STARD13: variants seen among roughly 807,000 people sequenced by gnomAD.
STARD13 encodes the protein StAR related lipid transfer domain containing 13, also known as stAR-related lipid transfer protein 13.
Under a neutral mutation model 106.4 loss-of-function variants are expected in STARD13, and 62 were observed. That is an observed-to-expected ratio of 0.58 (90% CI 0.48 to 0.72). The LOEUF (loss-of-function observed/expected upper bound fraction) is 0.72. Among genes scored for constraint, STARD13 ranks in the 30% least tolerant of loss-of-function variants. The probability of loss-of-function intolerance (pLI) is 0.00; values close to 1 mark genes in which losing one functional copy is unlikely to be tolerated. For missense variants in STARD13, 1,387 were observed against 1,424.0 expected, an observed-to-expected ratio of 0.97 and a Z score of 0.42; for synonymous variants, 565 against 553.0, an observed-to-expected ratio of 1.02 and a Z score of -0.31.
At chr13:33,518,693 G>A in the STARD13 span, among the ~76,000 whole-genome samples, 1 of 152,002 alleles carries the variant, frequency 6.6e-6, no homozygotes, top group South Asian at 2.1e-4. Flanking sequence ...TAACTCACCT[G>A]TCACACTCAC....
intron 1 of STARD13, among the ~76,000 whole-genome samples, chr13:33,266,694 C>T (rs1226783723): frequency 2.0e-5 from 3 of 152,216 alleles, no homozygotes; most frequent in Non-Finnish European, 2.9e-5. Context: ...CTTTACCTTA[C>T]CACTCTGTTG....
intron 9 of STARD13, 70 bp downstream of exon 9, chr13:33,112,651 C>G (rs1874767204): frequency 1.6e-6 from 2 of 1,217,374 alleles, no homozygotes; most frequent in Non-Finnish European, 2.3e-6. Flanking sequence ...ATCCATCCAT[C>G]CATCCAGTCT....
the STARD13 span, among the ~76,000 whole-genome samples, chr13:33,668,131 C>T: frequency 8.5e-5 from 13 of 152,196 alleles, no homozygotes; most frequent in African/African-American, 2.9e-4. Context: ...AAGAGGCTGC[C>T]CAATTCGGGG....
At chr13:33,411,491 G>T in the STARD13 span, among the ~76,000 whole-genome samples, 5 of 152,050 alleles carry the variant, frequency 3.3e-5, no homozygotes, top group East Asian at 1.9e-4. Flanking sequence ...CAGGCAGGCT[G>T]CTCTGTGGGC....
chr13:33,133,506 C>T (rs623629), intron 4 of STARD13, among the ~76,000 whole-genome samples: 49,661 of 152,112 alleles, frequency 0.33, 8,824 homozygotes, highest in Non-Finnish European at 0.41. Context: ...GTGCCTACAA[C>T]GATCATGGTA....
chr13:33,128,356 A>C (rs770270), intron 5 of STARD13, among the ~76,000 whole-genome samples: 119,614 of 152,038 alleles, frequency 0.79, 47,158 homozygotes, highest in African/African-American at 0.8. Context: ...TCACTGAACC[A>C]CAAGACACAC....
chr13:33,426,162 T>C, the STARD13 span, among the ~76,000 whole-genome samples: 1 of 152,220 alleles, frequency 6.6e-6, no homozygotes, highest in Non-Finnish European at 1.5e-5. Flanking sequence ...TCTTTACATA[T>C]GAGACTAACC....
chr13:33,669,597 G>A, the STARD13 span, among the ~76,000 whole-genome samples: 7 of 140,774 alleles, frequency 5.0e-5, no homozygotes, highest in South Asian at 9.0e-4. Context: ...GTGCAGTGGT[G>A]TGATCTCAGC....
chr13:33,559,648 G>A, the STARD13 span, among the ~76,000 whole-genome samples: 2 of 151,514 alleles, frequency 1.3e-5, no homozygotes, highest in Non-Finnish European at 2.9e-5. Context: ...AAGGTCAGGA[G>A]TTCAAGACCA....
At chr13:33,348,487 A>G (rs1307732946), downstream of STARD13, 1 of 152,352 alleles carries the variant, frequency 6.6e-6, no homozygotes, top group African/African-American at 2.4e-5. Flanking sequence ...GTTCTATAAA[A>G]ACCCAGCACA....
the STARD13 span, among the ~76,000 whole-genome samples, chr13:33,519,616 A>G: frequency 6.6e-6 from 1 of 151,828 alleles, no homozygotes. Flanking sequence ...TGATTCCTAT[A>G]CCTATCTTGA....
chr13:33,649,193 TTTTG>T, the STARD13 span, among the ~76,000 whole-genome samples: 1 of 152,182 alleles, frequency 6.6e-6, no homozygotes, highest in Admixed American at 6.5e-5. Flanking sequence ...AGTTATTGTA[TTTTG>T]TTTGTTTTGG....
the STARD13 span, among the ~76,000 whole-genome samples, chr13:33,528,231 T>TATATATATAC: frequency 3.8e-5 from 5 of 130,698 alleles, no homozygotes; most frequent in African/African-American, 1.4e-4. Context: ...TGTGTGTATA[T>TATATATATAC]ATATATATAT....
chr13:33,195,810 G>T (rs940426825), intron 1 of STARD13, among the ~76,000 whole-genome samples: 1 of 152,140 alleles, frequency 6.6e-6, no homozygotes, highest in Non-Finnish European at 1.5e-5. Flanking sequence ...ATGCCAACTT[G>T]TACAAGTTAA....
At chr13:33,558,022 C>A in the STARD13 span, among the ~76,000 whole-genome samples, 1 of 152,106 alleles carries the variant, frequency 6.6e-6, no homozygotes, top group African/African-American at 2.4e-5. Flanking sequence ...CAAACTATTT[C>A]ATGAAAATAA....
the STARD13 span, among the ~76,000 whole-genome samples, chr13:33,459,658 T>A: frequency 6.6e-6 from 1 of 152,216 alleles, no homozygotes; most frequent in African/African-American, 2.4e-5. Flanking sequence ...TTTTAAGAAC[T>A]GCCAAGCTGT....
At chr13:33,543,594 T>C in the STARD13 span, among the ~76,000 whole-genome samples, 3 of 152,246 alleles carry the variant, frequency 2.0e-5, no homozygotes, top group African/African-American at 4.8e-5. Flanking sequence ...CTTTAGAGTT[T>C]AGATAGCACA....
At chr13:33,306,639 C>G (rs530431565) in intron 1 of STARD13, among the ~76,000 whole-genome samples, 2 of 152,194 alleles carry the variant, frequency 1.3e-5, no homozygotes, top group Admixed American at 6.5e-5. Context: ...AAGAAAAAAA[C>G]AAACAACCCC....
At chr13:33,396,340 A>G in the STARD13 span, among the ~76,000 whole-genome samples, 1 of 152,198 alleles carries the variant, frequency 6.6e-6, no homozygotes, top group Non-Finnish European at 1.5e-5. Flanking sequence ...TAAGAAGTAG[A>G]TGAGCACATG....
Sources: allele counts gnomAD v4.1 joint callset (sites outside exome capture counted in the v4.1 genomes callset), GRCh38; gene constraint gnomAD v4.1.1; transcripts MANE v1.5; gene names NCBI Gene and HGNC (gene_info 2026-07-23, HGNC 2026-07-21).